Variants in SPRED2 observed in about 807,000 individuals in gnomAD.
SPRED2 encodes the protein sprouty related EVH1 domain containing 2, also known as sprouty-related, EVH1 domain-containing protein 2.
In SPRED2, 47 loss-of-function variants were observed where a neutral mutation model predicts 43.0. The ratio of observed to expected loss-of-function variants is 1.09; its 90% CI spans 0.87 to 1.40. The LOEUF is 1.40. SPRED2 is among the 40% of genes most tolerant of loss of function. SPRED2 has a pLI of 0.00. For missense variants in SPRED2, 561 were observed against 586.4 expected, an observed-to-expected ratio of 0.96 and a Z score of 0.45; for synonymous variants, 225 against 225.7, an observed-to-expected ratio of 1.00 and a Z score of 0.03.
In SPRED2 at chr2:65,327,920, C is replaced by T. The variant is rs550638884; in HGVS notation, c.438+4067G>A. Among the ~76,000 whole-genome samples the T allele has an allele frequency of 1.6e-4, 24 of 151,746 alleles. No homozygotes were observed. The East Asian group carries it at 3.9e-3, about 25-fold the overall frequency. On this transcript the variant is annotated intron_variant, in intron 4 of 5. Transcript: ENST00000356388. ...TGTATTTTTAGTAGAGATGGGGTTT[C>T]ACCATGTTGGCCAGGCTGGTCTTGA...
chr2:65,360,089 CAAAAAAAAAACAAAA>C (rs796202275), intron 1 of SPRED2, among the ~76,000 whole-genome samples: 5,814 of 43,074 alleles, frequency 0.13, 441 homozygotes, highest in African/African-American at 0.29. Flanking sequence ...CAAAAAAAAA[CAAAAAAAAAACAAAA>C]AAAAAAAAAA....
intron 1 of SPRED2, among the ~76,000 whole-genome samples, chr2:65,401,935 GCGCACA>G (rs61681084): frequency 0.056 from 5,047 of 89,342 alleles, 346 homozygotes; most frequent in African/African-American, 0.17. Flanking sequence ...TAGCGCGCGC[GCGCACA>G]CACACACACA....
intron 1 of SPRED2, among the ~76,000 whole-genome samples, chr2:65,420,748 C>T (rs555851068): frequency 6.6e-6 from 1 of 152,312 alleles, no homozygotes; most frequent in East Asian, 1.9e-4. Flanking sequence ...AAGACTTCTG[C>T]TTAGGCACGT....
chr2:65,331,614 GTCCTGGCT>G (rs970729695), intron 4 of SPRED2, among the ~76,000 whole-genome samples: 1 of 152,250 alleles, frequency 6.6e-6, no homozygotes, highest in Non-Finnish European at 1.5e-5. Flanking sequence ...GCAAGCGATT[GTCCTGGCT>G]TGCCTGGGAT....
chr2:65,328,356 C>A (rs1673706953), intron 4 of SPRED2, among the ~76,000 whole-genome samples: 2 of 152,114 alleles, frequency 1.3e-5, no homozygotes, highest in South Asian at 4.1e-4. Context: ...TGTACTGAAA[C>A]TTAGTTGGAT....
intron 4 of SPRED2, among the ~76,000 whole-genome samples, chr2:65,325,017 T>C (rs992385965): frequency 6.6e-6 from 1 of 152,228 alleles, no homozygotes; most frequent in African/African-American, 2.4e-5. Flanking sequence ...GGCTGTTTTC[T>C]CAAGGACACT....
intron 1 of SPRED2, among the ~76,000 whole-genome samples, chr2:65,364,918 A>G (rs1674930219): frequency 6.6e-6 from 1 of 152,182 alleles, no homozygotes; most frequent in African/African-American, 2.4e-5. Context: ...ATTCACCAAA[A>G]CTATAAGAAA....
chr2:65,366,758 A>G, intron 1 of SPRED2: 1 of 1,456,902 alleles, frequency 6.9e-7, no homozygotes, highest in Non-Finnish European at 9.0e-7. Context: ...TCCTTGACAA[A>G]TATACTGCAT....
At chr2:65,316,550 A>G (rs1032134958) in intron 5 of SPRED2, among the ~76,000 whole-genome samples, 184 bp downstream of exon 5, 2 of 152,234 alleles carry the variant, frequency 1.3e-5, no homozygotes, top group Non-Finnish European at 2.9e-5. Context: ...TGTCTGGCAC[A>G]CAGAAAACAC....
chr2:65,426,955 T>C (rs1676570246), intron 1 of SPRED2, among the ~76,000 whole-genome samples: 2 of 152,210 alleles, frequency 1.3e-5, no homozygotes, highest in African/African-American at 4.8e-5. Flanking sequence ...CCACTCCAGG[T>C]CTACCACCTC....
Position 65,344,797 on chromosome 2 carries a change from C to T in SPRED2, c.126G>A (p.Gly42=). The part of the protein sequence containing the change: ...PQEGGGISRV[G]VCKVMHPEGN... ...CTTCGGGGTGCATGACCTTACAGACCCCGACGCGACTGATCCCGCCTCCTT... is the reference window on the plus strand; with the variant it reads ...CTTCGGGGTGCATGACCTTACAGACTCCGACGCGACTGATCCCGCCTCCTT... Residue 42 remains glycine, a synonymous_variant, in exon 2 of 6, where the codon GGG becomes GGA. Coordinates refer to ENST00000356388, the MANE Select transcript of SPRED2 (RefSeq NM_181784.3). The T allele has an allele frequency of 6.2e-7, 1 of 1,614,116 alleles. No individual in the cohort carries two copies. The highest frequency in any genetic ancestry group is 8.5e-7 in the Non-Finnish European group (1 of 1,180,026).
At chr2:65,415,961 T>C (rs1050563195) in intron 1 of SPRED2, among the ~76,000 whole-genome samples, 1 of 152,152 alleles carries the variant, frequency 6.6e-6, no homozygotes, top group Non-Finnish European at 1.5e-5. Context: ...TACCACCCAG[T>C]ATGACAGATT....
intron 2 of SPRED2, among the ~76,000 whole-genome samples, chr2:65,342,632 G>C (rs1558660358): frequency 6.6e-6 from 1 of 152,068 alleles, no homozygotes; most frequent in Non-Finnish European, 1.5e-5. Context: ...ATTCACATAG[G>C]TGTATTCCTA....
intron 1 of SPRED2, chr2:65,366,517 AAGC>A: frequency 6.8e-7 from 1 of 1,479,998 alleles, no homozygotes; most frequent in African/African-American, 1.4e-5. Flanking sequence ...AAAATGCTAA[AAGC>A]AGGCACCAGA....
At chr2:65,395,144 G>C (rs147660841) in intron 1 of SPRED2, among the ~76,000 whole-genome samples, 1 of 152,100 alleles carries the variant, frequency 6.6e-6, no homozygotes, top group African/African-American at 2.4e-5. Context: ...CATTCCACTG[G>C]GCCTCGGATC....
At chr2:65,362,151 C>T (rs149952375) in intron 1 of SPRED2, among the ~76,000 whole-genome samples, 1 of 152,344 alleles carries the variant, frequency 6.6e-6, no homozygotes, top group East Asian at 1.9e-4. Flanking sequence ...GTCTGAGCTG[C>T]TCTCAGATGT....
chr2:65,322,844 T>C (rs1673472630), intron 4 of SPRED2, among the ~76,000 whole-genome samples: 1 of 152,246 alleles, frequency 6.6e-6, no homozygotes, highest in Non-Finnish European at 1.5e-5. Context: ...ATTAGATGAT[T>C]TTTCTGTCTA....
At chr2:65,413,198 G>A (rs1676200720) in intron 1 of SPRED2, among the ~76,000 whole-genome samples, 1 of 152,176 alleles carries the variant, frequency 6.6e-6, no homozygotes, top group African/African-American at 2.4e-5. Flanking sequence ...TAAGGCCCAG[G>A]TGCTGATGGT....
At chr2:65,399,365 G>A (rs1293409933) in intron 1 of SPRED2, among the ~76,000 whole-genome samples, 1 of 148,546 alleles carries the variant, frequency 6.7e-6, no homozygotes, top group Non-Finnish European at 1.5e-5. Context: ...AACCTGGATA[G>A]AACTGGAAAC....
Sources: allele counts gnomAD v4.1 joint callset (sites outside exome capture counted in the v4.1 genomes callset), GRCh38; gene constraint gnomAD v4.1.1; transcripts MANE v1.5; gene names NCBI Gene and HGNC (gene_info 2026-07-23, HGNC 2026-07-21).